The following SBF2 variants were observed in gnomAD, a reference collection of about 807,000 sequenced individuals.
The protein encoded by SBF2 is SET binding factor 2.
SBF2 carries 112 observed loss-of-function variants against 225.2 expected under a neutral mutation model. The observed-to-expected ratio is 0.50, with a 90% CI of 0.43 to 0.58. SBF2 has a LOEUF of 0.58. SBF2 is among the 20% of genes least tolerant of loss of function. SBF2 has a pLI of 0.00. For missense variants in SBF2, 1,996 were observed against 2,206.2 expected, an observed-to-expected ratio of 0.90 and a Z score of 1.91; for synonymous variants, 763 against 773.3, an observed-to-expected ratio of 0.99 and a Z score of 0.22.
intron 16 of SBF2, chr11:9,958,605 G>A (rs549506641): frequency 4.7e-5 from 10 of 211,214 alleles, no homozygotes; most frequent in South Asian, 7.9e-5. Context: ...TGATCCGCCC[G>A]CCTCGGCCTC....
intron 6 of SBF2, among the ~76,000 whole-genome samples, chr11:10,004,936 T>C (rs1028147115): frequency 2.6e-5 from 4 of 152,208 alleles, no homozygotes; most frequent in African/African-American, 7.2e-5. Context: ...CTTATGCATA[T>C]TGACTGATGT....
intron 2 of SBF2, among the ~76,000 whole-genome samples, chr11:10,173,458 TA>T (rs1452861021): frequency 6.6e-6 from 1 of 152,210 alleles, no homozygotes; most frequent in Non-Finnish European, 1.5e-5. Flanking sequence ...CCGACAGGCT[TA>T]AAAAACGCCG....
intron 2 of SBF2, among the ~76,000 whole-genome samples, chr11:10,080,670 G>C (rs893158435): frequency 6.6e-6 from 1 of 152,008 alleles, no homozygotes; most frequent in Non-Finnish European, 1.5e-5. Flanking sequence ...ATACAGATTC[G>C]TGGAATGAAT....
chr11:9,903,312 A>G (rs1349142428), intron 16 of SBF2, among the ~76,000 whole-genome samples: 2 of 152,150 alleles, frequency 1.3e-5, no homozygotes, highest in Non-Finnish European at 2.9e-5. Flanking sequence ...ACAGAGCAAG[A>G]TTCCGTCTCA....
chr11:9,832,357 G>T lies in SBF2; in HGVS notation c.3519C>A (p.Arg1173=), dbSNP rs754330807. Residue 1173 remains arginine (R), a synonymous_variant, in exon 27 of 40, where the codon CGC becomes CGA. Transcript: ENST00000256190. ...CAGGCAGGCGATTGTGTCGATAGCA[G>T]CGAGCTACTCTTGGTAAACTACTGT... ...VQDSSLPRVA[R]CYRHNRLPVV... 1 of 1,614,082 alleles carries T rather than the reference G, an allele frequency of 6.2e-7. No individual in the cohort carries two copies. The highest frequency in any genetic ancestry group is 1.7e-5 in the Admixed American group (1 of 60,026).
intron 5 of SBF2, 142 bp from the exon 6 acceptor site, chr11:10,028,699 C>A: frequency 1.5e-6 from 1 of 670,726 alleles, no homozygotes. Flanking sequence ...CAATGTATAT[C>A]CCAAAACATT....
At chr11:10,011,667 AAT>A (rs1948465862) in intron 6 of SBF2, among the ~76,000 whole-genome samples, 1 of 152,180 alleles carries the variant, frequency 6.6e-6, no homozygotes, top group Non-Finnish European at 1.5e-5. Context: ...CAGTGCTTTT[AAT>A]ATGTCACATC....
At chr11:10,289,652 C>T (rs540883895) in intron 1 of SBF2, among the ~76,000 whole-genome samples, 2 of 152,196 alleles carry the variant, frequency 1.3e-5, no homozygotes, top group African/African-American at 4.8e-5. Flanking sequence ...CCCAGGGATG[C>T]GGCCCTAGGC....
chr11:9,822,930 A>T (rs1854858290), intron 28 of SBF2, among the ~76,000 whole-genome samples: 1 of 152,222 alleles, frequency 6.6e-6, no homozygotes, highest in Non-Finnish European at 1.5e-5. Flanking sequence ...GCCTTGGCCA[A>T]GTCACTTAAT....
At chr11:9,821,287 C>T (rs944359850) in intron 28 of SBF2, among the ~76,000 whole-genome samples, 2 of 152,120 alleles carry the variant, frequency 1.3e-5, no homozygotes, top group African/African-American at 4.8e-5. Flanking sequence ...GTGAGCTGTT[C>T]TGACTCATTA....
chr11:10,230,070 G>T (rs1000095716), intron 1 of SBF2, among the ~76,000 whole-genome samples: 1 of 152,012 alleles, frequency 6.6e-6, no homozygotes, highest in African/African-American at 2.4e-5. Flanking sequence ...TTATGTAATG[G>T]CCTTCTTTGT....
intron 32 of SBF2, among the ~76,000 whole-genome samples, chr11:9,805,734 T>C (rs1853786134): frequency 6.6e-6 from 1 of 152,174 alleles, no homozygotes; most frequent in Non-Finnish European, 1.5e-5. Flanking sequence ...GCGATTCTCC[T>C]GCTTCAGCCT....
At chr11:10,033,190 G>A (rs188993533) in intron 3 of SBF2, among the ~76,000 whole-genome samples, 1 of 152,182 alleles carries the variant, frequency 6.6e-6, no homozygotes, top group East Asian at 1.9e-4. Flanking sequence ...ATTCTTCATG[G>A]ATTACTAACT....
At chr11:10,277,806 C>A (rs1295426740) in intron 1 of SBF2, among the ~76,000 whole-genome samples, 5 of 152,128 alleles carry the variant, frequency 3.3e-5, no homozygotes, top group Admixed American at 2.0e-4. Flanking sequence ...CCTGGGGCCA[C>A]CAGATGCTGG....
chr11:9,966,188 T>C (rs928428697), intron 14 of SBF2, among the ~76,000 whole-genome samples: 2 of 152,024 alleles, frequency 1.3e-5, no homozygotes, highest in African/African-American at 4.8e-5. Flanking sequence ...TGGGTTCAAG[T>C]GATTCTCCTC....
At chr11:9,807,156 G>C (rs532196599) in intron 32 of SBF2, among the ~76,000 whole-genome samples, 5 of 152,264 alleles carry the variant, frequency 3.3e-5, no homozygotes, top group African/African-American at 1.2e-4. Flanking sequence ...CTGGGATTGT[G>C]GTCAAATGAA....
intron 2 of SBF2, among the ~76,000 whole-genome samples, chr11:10,156,069 C>CTT (rs1330064607): frequency 2.9e-4 from 44 of 152,210 alleles, no homozygotes; most frequent in African/African-American, 1.1e-3. Flanking sequence ...CATCCCTGCA[C>CTT]TCTCGGAAGC....
chr11:10,291,699 G>C (rs911950701), intron 1 of SBF2, among the ~76,000 whole-genome samples: 4 of 138,242 alleles, frequency 2.9e-5, no homozygotes, highest in African/African-American at 1.1e-4. Context: ...CACACACACA[G>C]ACTCCATGTA....
chr11:9,787,084 C>T (rs1372992709), intron 36 of SBF2, among the ~76,000 whole-genome samples: 4 of 152,072 alleles, frequency 2.6e-5, no homozygotes, highest in Admixed American at 6.5e-5. Context: ...TTAGTAGAGA[C>T]GGGGTTTCAC....
Sources: gnomAD v4.1 joint callset for allele counts (sites outside exome capture counted in the v4.1 genomes callset) on GRCh38, gnomAD v4.1.1 for gene constraint, MANE v1.5 for transcripts, NCBI Gene and HGNC (gene_info 2026-07-23, HGNC 2026-07-21) for gene names.